TM9SF3: variants seen among roughly 807,000 people sequenced by gnomAD.
TM9SF3 encodes SM-11044-binding protein.
A neutral mutation model predicts 78.6 loss-of-function variants in TM9SF3; 14 were observed. That is an observed-to-expected ratio of 0.18 (90% CI 0.12 to 0.28). TM9SF3 has a LOEUF of 0.28. Among genes scored for constraint, TM9SF3 ranks in the 10% least tolerant of loss-of-function variants. TM9SF3 has a pLI of 1.00. For missense variants in TM9SF3, 496 were observed against 721.9 expected (o/e 0.69, Z 3.59); for synonymous variants, 231 against 241.7 (o/e 0.96, Z 0.41).
intron 13 of TM9SF3, 23 bp from the exon 14 acceptor site, chr10:96,527,312 T>C: frequency 6.3e-7 from 1 of 1,599,096 alleles, no homozygotes; most frequent in Non-Finnish European, 8.6e-7. Context: ...AAAATATATA[T>C]AGGATATCCA....
intron 10 of TM9SF3, among the ~76,000 whole-genome samples, chr10:96,531,555 TG>T (rs1415467477): frequency 2.6e-5 from 4 of 152,010 alleles, no homozygotes; most frequent in Admixed American, 6.6e-5. Flanking sequence ...ATTTGAGAGC[TG>T]AAAAAAAAAC....
chr10:96,572,001 T>C, intron 2 of TM9SF3, among the ~76,000 whole-genome samples: 1 of 152,158 alleles, frequency 6.6e-6, no homozygotes, highest in Non-Finnish European at 1.5e-5. Flanking sequence ...GACAATTTAT[T>C]AAAAGCATAC....
At chr10:96,553,158 A>G (rs1273463210) in intron 5 of TM9SF3, 99 bp from the exon 6 acceptor site, 32 of 1,283,020 alleles carry the variant, frequency 2.5e-5, no homozygotes, top group Non-Finnish European at 3.3e-5. Flanking sequence ...AAGAAAAAAA[A>G]AAGTCTTTAA....
intron 2 of TM9SF3, among the ~76,000 whole-genome samples, chr10:96,569,842 G>C (rs565030171): frequency 6.6e-6 from 1 of 152,218 alleles, no homozygotes; most frequent in South Asian, 2.1e-4. Flanking sequence ...GACCATCCTG[G>C]CCAACATGGT....
chr10:96,560,379 G>C (rs931037276), intron 4 of TM9SF3: 9 of 738,024 alleles, frequency 1.2e-5, no homozygotes, highest in Non-Finnish European at 2.0e-5. Context: ...CAGAGGCAAT[G>C]AATTATGAAG....
chr10:96,583,103 G>C (rs1848591039), intron 1 of TM9SF3, among the ~76,000 whole-genome samples: 1 of 149,618 alleles, frequency 6.7e-6, no homozygotes, highest in South Asian at 2.1e-4. Context: ...AGAAAAAAAA[G>C]AAAGAAAGAA....
intron 10 of TM9SF3, among the ~76,000 whole-genome samples, chr10:96,531,655 T>C (rs1000326487): frequency 6.6e-6 from 1 of 152,144 alleles, no homozygotes; most frequent in Non-Finnish European, 1.5e-5. Context: ...GGTGACACAG[T>C]CAATGAGAGG....
Position 96,527,219 on chromosome 10 carries a change from T to A in TM9SF3, c.1696A>T (p.Met566Leu), listed in dbSNP as rs1349173998. 4 of 1,608,168 alleles carry A rather than the reference T, an allele frequency of 2.5e-6. No individual in the cohort carries two copies. Among genetic ancestry groups the A allele is most frequent in the Non-Finnish European group, 3.4e-6 (4 of 1,177,222 alleles). ...AAAGAATTTCAAAACTTACCACACA[T>A]TATCCCCAAGGCTGTGCTAAATACC... ...MAVFSTALGI[M>L]CGAIGYMGTS... The change falls in exon 14 of 15, where the codon ATG (methionine) becomes TTG (leucine). Residue 566 changes from methionine (M) to leucine (L), a missense_variant. Coordinates refer to ENST00000371142, the MANE Select transcript of TM9SF3 (RefSeq NM_020123.4).
chr10:96,535,802 G>A (rs953478697), intron 9 of TM9SF3, among the ~76,000 whole-genome samples: 3 of 152,126 alleles, frequency 2.0e-5, no homozygotes, highest in Admixed American at 1.3e-4. Context: ...TCTACATACT[G>A]ATCACATCTT....
chr10:96,521,181 A>C lies in TM9SF3; in HGVS notation c.*1082T>G. 2.6e-5 allele frequency: 8 copies of C among 307,244 alleles called. No homozygotes were observed. Among genetic ancestry groups the C allele is most frequent in the East Asian group, 9.8e-5 (2 of 20,468 alleles). The allele number at this position is 307,244 out of a possible 1,614,324, so 19.0% of individuals were successfully genotyped here. A position where few individuals can be genotyped will look rare whatever the true frequency, so the allele number is the denominator to read the frequency against. ...ACACACACATTTTGAAGAAACCCCAATGTTTCATGCAATGGTAGGCAAGAT... is the reference window on the plus strand; with the variant it reads ...ACACACACATTTTGAAGAAACCCCACTGTTTCATGCAATGGTAGGCAAGAT... On this transcript the variant is annotated 3_prime_UTR_variant, in exon 15 of 15. Coordinates refer to ENST00000371142, the MANE Select transcript of TM9SF3 (RefSeq NM_020123.4).
In TM9SF3 at chr10:96,533,156, A is replaced by C; in HGVS notation, c.1220T>G (p.Leu407Arg). 1 of 1,614,058 alleles carries C rather than the reference A, an allele frequency of 6.2e-7. No homozygotes were observed. The highest frequency in any genetic ancestry group is 8.5e-7 in the Non-Finnish European group (1 of 1,179,958). ...TATTGTACCAACAAGATTTAGAGGA[A>C]GAATAACAAAAAAACAGATGCAACA... Reference protein sequence around the residue: ...AVCCICFFVILPLNLVGTILG... With the variant: ...AVCCICFFVIRPLNLVGTILG... Residue 407 changes from leucine to arginine, a missense_variant, in exon 10 of 15, where the codon CTT becomes CGT. Coordinates refer to ENST00000371142, the MANE Select transcript of TM9SF3 (RefSeq NM_020123.4).
intron 1 of TM9SF3, among the ~76,000 whole-genome samples, chr10:96,579,329 G>C (rs1042951698): frequency 1.3e-5 from 2 of 152,120 alleles, no homozygotes; most frequent in Non-Finnish European, 2.9e-5. Context: ...CATTAACCCT[G>C]CTGAGTCTGC....
At chr10:96,583,448 GAGCATTTA>G (rs752256021) in intron 1 of TM9SF3, among the ~76,000 whole-genome samples, 12 of 152,162 alleles carry the variant, frequency 7.9e-5, no homozygotes, top group South Asian at 6.2e-4. Context: ...ACACTCATTC[GAGCATTTA>G]AGCATTTAAG....
At chr10:96,555,119 C>T (rs1050321909) in intron 5 of TM9SF3, among the ~76,000 whole-genome samples, 1 of 151,936 alleles carries the variant, frequency 6.6e-6, no homozygotes, top group Admixed American at 6.6e-5. Flanking sequence ...TATCACTCCT[C>T]TATTCTAAAA....
chr10:96,530,691 A>G (rs751278523), intron 10 of TM9SF3, 83 bp from the exon 11 acceptor site: 13 of 1,266,464 alleles, frequency 1.0e-5, no homozygotes, highest in Non-Finnish European at 1.3e-5. Context: ...CAGGTACTTG[A>G]CACTTAAAAA....
At chr10:96,524,195 A>T (rs1847813443) in intron 14 of TM9SF3, among the ~76,000 whole-genome samples, 1 of 151,884 alleles carries the variant, frequency 6.6e-6, no homozygotes, top group Non-Finnish European at 1.5e-5. Flanking sequence ...ATTAAAATAC[A>T]AAAAACCAAA....
At chr10:96,567,084 CTTTTTTT>C (rs5787198) in intron 2 of TM9SF3, among the ~76,000 whole-genome samples, 1 of 124,846 alleles carries the variant, frequency 8.0e-6, no homozygotes, top group African/African-American at 3.1e-5. Flanking sequence ...TGTATAAAGC[CTTTTTTT>C]TTTTTTTTTT....
chr10:96,552,812 C>T (rs957556184), intron 6 of TM9SF3, 116 bp downstream of exon 6: 4 of 1,024,322 alleles, frequency 3.9e-6, no homozygotes, highest in Non-Finnish European at 5.1e-6. Flanking sequence ...CTCTAAAAAT[C>T]CTGAATTGTG....
At chr10:96,526,192 G>A (rs1414345387) in intron 14 of TM9SF3, among the ~76,000 whole-genome samples, 2 of 152,038 alleles carry the variant, frequency 1.3e-5, no homozygotes, top group East Asian at 1.9e-4. Flanking sequence ...CTATTAAGTG[G>A]GGAGTTCACA....
Sources: gnomAD v4.1 joint callset for allele counts (sites outside exome capture counted in the v4.1 genomes callset) on GRCh38, gnomAD v4.1.1 for gene constraint, MANE v1.5 for transcripts, NCBI Gene and HGNC (gene_info 2026-07-23, HGNC 2026-07-21) for gene names.